Variants in LRBA observed in about 807,000 individuals in gnomAD.
LRBA encodes the protein lipopolysaccharide-responsive and beige-like anchor protein.
Under a neutral mutation model 330.0 loss-of-function variants are expected in LRBA, and 176 were observed. The observed-to-expected ratio is 0.53, with a 90% CI of 0.47 to 0.60. The LOEUF (loss-of-function observed/expected upper bound fraction) is 0.60, where lower values mean the gene tolerates loss of function less well. LRBA is among the 20% of genes least tolerant of loss of function. The probability of loss-of-function intolerance (pLI) is 0.00; values close to 1 mark genes in which losing one functional copy is unlikely to be tolerated. For missense variants in LRBA, 3,259 were observed against 3,444.8 expected (o/e 0.95, Z 1.35); for synonymous variants, 1,230 against 1,193.0 (o/e 1.03, Z -0.64).
At chr4:150,560,081 T>C (rs968833269) in intron 40 of LRBA, among the ~76,000 whole-genome samples, 2 of 148,400 alleles carry the variant, frequency 1.3e-5, no homozygotes, top group East Asian at 2.0e-4. Flanking sequence ...ATTATAGTTA[T>C]ATAAATAAGA....
chr4:150,754,348 T>C (rs916051683), intron 35 of LRBA, among the ~76,000 whole-genome samples: 1 of 145,434 alleles, frequency 6.9e-6, no homozygotes, highest in East Asian at 1.9e-4. Context: ...ATGATAAACA[T>C]TAATTTAAAT....
chr4:150,811,507 G>GT (rs1362574475), intron 31 of LRBA, among the ~76,000 whole-genome samples: 2 of 151,258 alleles, frequency 1.3e-5, no homozygotes, highest in Non-Finnish European at 2.9e-5. Flanking sequence ...TGGGTTTTTT[G>GT]TTTTTTGTTT....
chr4:150,502,866 T>A (rs575234765), intron 40 of LRBA, among the ~76,000 whole-genome samples: 3 of 152,202 alleles, frequency 2.0e-5, no homozygotes, highest in Non-Finnish European at 2.9e-5. Context: ...ATACTGCGCT[T>A]TCCCAACGGG....
chr4:150,671,027 TGTGTGTGTGTGTGTGAGA>T (rs975089440), intron 37 of LRBA, among the ~76,000 whole-genome samples: 11 of 147,494 alleles, frequency 7.5e-5, no homozygotes, highest in African/African-American at 1.8e-4. Context: ...TGTGTGTGTG[TGTGTGTGTGTGTGTGAGA>T]GAGAGAGAGA....
intron 35 of LRBA, among the ~76,000 whole-genome samples, chr4:150,746,120 T>C (rs1485795449): frequency 6.6e-6 from 1 of 152,222 alleles, no homozygotes; most frequent in East Asian, 1.9e-4. Flanking sequence ...AGTATTTATG[T>C]GCATATATAT....
At chr4:150,711,418 A>C (rs1786199256) in intron 36 of LRBA, among the ~76,000 whole-genome samples, 1 of 151,716 alleles carries the variant, frequency 6.6e-6, no homozygotes, top group Non-Finnish European at 1.5e-5. Flanking sequence ...TTGTATTTTT[A>C]GTAGAGAAGG....
chr4:150,683,763 C>A, intron 36 of LRBA, 46 bp from the exon 37 acceptor site: 1 of 1,384,752 alleles, frequency 7.2e-7, no homozygotes, highest in Non-Finnish European at 9.8e-7. Context: ...TGAAAAAAAC[C>A]TTTAAAATCC....
intron 40 of LRBA, among the ~76,000 whole-genome samples, chr4:150,528,912 G>C (rs956660533): frequency 1.4e-4 from 22 of 152,144 alleles, no homozygotes; most frequent in African/African-American, 5.3e-4. Context: ...ATATTTATAT[G>C]AGATGCTAAA....
intron 44 of LRBA, among the ~76,000 whole-genome samples, chr4:150,441,980 A>T (rs1751900952): frequency 6.6e-6 from 1 of 152,316 alleles, no homozygotes; most frequent in East Asian, 1.9e-4. Flanking sequence ...CTTATATACC[A>T]TAACTATAAT....
At chr4:150,894,388 T>C (rs1005388774) in intron 16 of LRBA, among the ~76,000 whole-genome samples, 2 of 152,190 alleles carry the variant, frequency 1.3e-5, no homozygotes, top group Non-Finnish European at 2.9e-5. Context: ...TCGGTCAACA[T>C]ACCACTAATA....
chr4:150,567,754 T>C (rs1417428171), intron 40 of LRBA, among the ~76,000 whole-genome samples: 1 of 152,204 alleles, frequency 6.6e-6, no homozygotes, highest in Admixed American at 6.5e-5. Flanking sequence ...TGTCATACTG[T>C]AAATTTGAAC....
intron 2 of LRBA, among the ~76,000 whole-genome samples, chr4:150,948,562 A>C (rs1350584201): frequency 6.6e-6 from 1 of 152,016 alleles, no homozygotes; most frequent in African/African-American, 2.4e-5. Context: ...AAGTTTTTAG[A>C]CTTGACACAA....
chr4:150,400,897 T>C (rs375892381), intron 47 of LRBA, among the ~76,000 whole-genome samples: 1 of 152,034 alleles, frequency 6.6e-6, no homozygotes, highest in Non-Finnish European at 1.5e-5. Context: ...AGTAGTTGAG[T>C]GAGTGTTATG....
chr4:150,971,562 T>A (rs1265496852), intron 2 of LRBA, among the ~76,000 whole-genome samples: 1 of 152,200 alleles, frequency 6.6e-6, no homozygotes, highest in East Asian at 1.9e-4. Context: ...AATACACAGA[T>A]ATACTTGGTT....
chr4:150,922,394 GTATATATATATATA>G (rs56340108), intron 4 of LRBA, among the ~76,000 whole-genome samples: 1 of 139,708 alleles, frequency 7.2e-6, no homozygotes, highest in Non-Finnish European at 1.5e-5. Flanking sequence ...AGAAACTGTG[GTATATATATATATA>G]TATATATATG....
rs537353634 is a variant in LRBA at position 150,387,942 on chromosome 4, A to G, written c.7194+27496T>C. ...ATGATACATAGAAAGTCATGATACT[A>G]AAGTAGAATAAAAGACTCGGGGTGT... On this transcript the variant is annotated intron_variant, in intron 47 of 56. Transcript: ENST00000651943. 3.3e-5 allele frequency among the ~76,000 whole-genome samples: 5 copies of G among 152,362 alleles called. 1 individual carries two copies. In the South Asian group the frequency reaches 8.3e-4, roughly 25 times the overall value.
chr4:150,497,386 T>C (rs1056152882), intron 40 of LRBA, among the ~76,000 whole-genome samples: 3 of 152,194 alleles, frequency 2.0e-5, no homozygotes, highest in Admixed American at 6.5e-5. Flanking sequence ...TCGACTCTGG[T>C]GGAAAATTTA....
intron 2 of LRBA, among the ~76,000 whole-genome samples, chr4:150,986,968 TA>T (rs1412028009): frequency 1.3e-5 from 2 of 152,174 alleles, no homozygotes; most frequent in Non-Finnish European, 2.9e-5. Flanking sequence ...CGACCAACAA[TA>T]TACCCTCTGG....
At chr4:150,856,697 GT>G (rs1751266216) in intron 22 of LRBA, among the ~76,000 whole-genome samples, 1 of 152,124 alleles carries the variant, frequency 6.6e-6, no homozygotes, top group Non-Finnish European at 1.5e-5. Context: ...TTTGGATGCT[GT>G]TTTCCTTAAG....
Sources: gnomAD v4.1 joint callset for allele counts (sites outside exome capture counted in the v4.1 genomes callset) on GRCh38, gnomAD v4.1.1 for gene constraint, MANE v1.5 for transcripts, NCBI Gene and HGNC (gene_info 2026-07-23, HGNC 2026-07-21) for gene names.